The following YEATS2 variants were observed in gnomAD, a reference collection of about 807,000 sequenced individuals.
YEATS2 encodes the protein YEATS domain containing 2, also known as YEATS domain-containing protein 2.
In YEATS2, 77 loss-of-function variants were observed where a neutral mutation model predicts 163.2. That is an observed-to-expected ratio of 0.47 (90% CI 0.39 to 0.57). The LOEUF is 0.57. Among genes scored for constraint, YEATS2 ranks in the 20% least tolerant of loss-of-function variants. YEATS2 has a pLI of 0.00. For synonymous variants in YEATS2, 631 were observed against 645.1 expected, an observed-to-expected ratio of 0.98 and a Z score of 0.33; for missense variants, 1,549 against 1,729.8, an observed-to-expected ratio of 0.90 and a Z score of 1.85.
At chr3:183,733,675 G>A (rs1012793378) in intron 7 of YEATS2, among the ~76,000 whole-genome samples, 42 of 152,226 alleles carry the variant, frequency 2.8e-4, no homozygotes, top group Admixed American at 2.5e-3. Context: ...CTTATTTCTG[G>A]ATCAAAGCAC....
chr3:183,726,361 G>A (rs181959289), intron 6 of YEATS2, among the ~76,000 whole-genome samples: 4 of 152,236 alleles, frequency 2.6e-5, no homozygotes, highest in East Asian at 3.9e-4. Context: ...TTTTTAGTTT[G>A]TAACAAAAGG....
At chr3:183,707,768 C>T (rs1293789448) in intron 1 of YEATS2, among the ~76,000 whole-genome samples, 1 of 149,672 alleles carries the variant, frequency 6.7e-6, no homozygotes, top group East Asian at 2.0e-4. Context: ...ACTGCAACCT[C>T]TGCCTCCCGG....
At chr3:183,772,977 TAATAACAATGTA>T (rs1380158807) in intron 16 of YEATS2, among the ~76,000 whole-genome samples, 8 of 152,208 alleles carry the variant, frequency 5.3e-5, no homozygotes, top group Non-Finnish European at 8.8e-5. Flanking sequence ...TCTTAATACC[TAATAACAATGTA>T]AATAACAATG....
chr3:183,808,032 T>G lies in YEATS2; in HGVS notation c.4014T>G (p.Ile1338Met). 1.3e-6 allele frequency: 2 copies of G among 1,559,952 alleles called. No individual in the cohort carries two copies. The highest frequency in any genetic ancestry group is 1.7e-6 in the Non-Finnish European group (2 of 1,151,206). The change falls in exon 29 of 31, where the codon ATT becomes ATG. Residue 1338 changes from isoleucine to methionine, a missense_variant and splice_region_variant. Ile to Met is a conservative substitution (Grantham distance 10). Transcript: ENST00000305135. The stretch of plus-strand genomic sequence containing the variant: ...ACGGCTTTCTTCTGCTTTTCCAGAT[T>G]GGGATCACCCTGCAGCCCGTGGCAC... ...SEFIGDVTQK[I>M]GITLQPVALH...
In YEATS2 at chr3:183,730,069, T is replaced by G. The variant is rs1251698301; in HGVS notation, c.812+1218T>G. On this transcript the variant is annotated intron_variant, in intron 7 of 30. Transcript: ENST00000305135. ...TTTTGTTTGTTTTTTTTTTTTTTTT[T>G]TTTTTTTTTTTTTTTTTTGGAGACA... Among the ~76,000 whole-genome samples, 154 of 112,524 alleles carry G rather than the reference T, an allele frequency of 1.4e-3. 2 individuals are homozygous for G. Among genetic ancestry groups the G allele is most frequent in the African/African-American group, 4.2e-3 (111 of 26,716 alleles). 73.8% of individuals were successfully genotyped at this position (112,524 alleles called of 152,430 possible).
chr3:183,794,788 A>AATT (rs1724980760), intron 21 of YEATS2, among the ~76,000 whole-genome samples: 1 of 152,126 alleles, frequency 6.6e-6, no homozygotes, highest in African/African-American at 2.4e-5. Flanking sequence ...AAGTGCCGTA[A>AATT]AGGGGGCACT....
intron 19 of YEATS2, among the ~76,000 whole-genome samples, chr3:183,780,058 A>C (rs1723420168): frequency 6.6e-6 from 1 of 151,002 alleles, no homozygotes; most frequent in Non-Finnish European, 1.5e-5. Context: ...AACAGAGAAA[A>C]CTTTAAATTG....
intron 13 of YEATS2, among the ~76,000 whole-genome samples, chr3:183,761,287 G>T (rs571655970): frequency 6.6e-6 from 1 of 152,018 alleles, no homozygotes; most frequent in East Asian, 1.9e-4. Flanking sequence ...GGGTTTCTCC[G>T]TGTTGGTCAG....
At chr3:183,789,524 A>ATTTTTTTTTTTT (rs1560317945) in intron 20 of YEATS2, among the ~76,000 whole-genome samples, 2 of 77,062 alleles carry the variant, frequency 2.6e-5, no homozygotes, top group African/African-American at 5.3e-5. Context: ...CATTCGAGTT[A>ATTTTTTTTTTTT]ATTTTTTTTT....
chr3:183,797,873 T>C (rs1725307421), intron 21 of YEATS2, 50 bp from the exon 22 acceptor site: 5 of 1,610,338 alleles, frequency 3.1e-6, no homozygotes, highest in Admixed American at 1.7e-5. Flanking sequence ...TAAGAGACTT[T>C]CCCGAAGCAC....
intron 6 of YEATS2, among the ~76,000 whole-genome samples, chr3:183,726,095 G>A (rs1048933102): frequency 6.6e-6 from 1 of 151,886 alleles, no homozygotes. Flanking sequence ...GTTTTTTCAA[G>A]CTCTTTGTTG....
rs190474641 is a variant in YEATS2, at chr3:183,807,015, G to A, written c.3934G>A (p.Glu1312Lys). 311 of 1,614,184 alleles carry A rather than the reference G, an allele frequency of 1.9e-4. No homozygotes were observed. In the Admixed American group the frequency reaches 3.3e-3, roughly 17 times the overall value. Residue 1312 changes from glutamate (E) to lysine (K), a missense_variant, in exon 28 of 31, where the codon GAA becomes AAA. Glu to Lys is a moderately conservative substitution (Grantham distance 56). Transcript: ENST00000305135. ...GAAGATAAACATCAAGAAGGAGCAG[G>A]AAGAGAAACAAGAGGAAGTCAAGTT... ...PVKINIKKEQ[E>K]EKQEEVKFYL...
chr3:183,751,264 G>A (rs1720135538), intron 9 of YEATS2, among the ~76,000 whole-genome samples: 1 of 152,156 alleles, frequency 6.6e-6, no homozygotes, highest in African/African-American at 2.4e-5. Flanking sequence ...ATATATGTGA[G>A]GATTTATTCT....
chr3:183,793,164 A>C (rs1442657576), intron 21 of YEATS2: 1 of 1,287,078 alleles, frequency 7.8e-7, no homozygotes, highest in African/African-American at 1.5e-5. Flanking sequence ...GGAAAAACTG[A>C]ATATCACCGA....
Position 183,800,532 on chromosome 3 carries a change from C to G in YEATS2, c.3392C>G (p.Thr1131Arg). The change falls in exon 24 of 31, where the codon ACA becomes AGA. Residue 1131 changes from threonine (T) to arginine (R), a missense_variant. Coordinates refer to ENST00000305135, the MANE Select transcript of YEATS2 (RefSeq NM_018023.5). ...LSQEGQTAVK[T>R]EESSELGNYV... ...CAGGAGGGTCAGACAGCAGTGAAAA[C>G]AGAAGAAAGTTCTGAGCTGGGAAAC... 1 of 1,614,176 alleles carries G rather than the reference C, an allele frequency of 6.2e-7. No homozygotes were observed. Among genetic ancestry groups the G allele is most frequent in the Non-Finnish European group, 8.5e-7 (1 of 1,180,016 alleles).
In YEATS2 at chr3:183,809,109, C is replaced by G. The variant is rs777079409; in HGVS notation, c.4099C>G (p.Leu1367Val). ...EDMILKATEQ[L>V]VNDILRQALA... The stretch of plus-strand genomic sequence containing the variant: ...TCTTCCATTGTAGGCTACAGAACAG[C>G]TGGTGAATGATATCCTGAGACAGGC... Residue 1367 changes from leucine (L) to valine (V), a missense_variant, in exon 30 of 31, where the codon CTG becomes GTG. By Grantham distance (32) the Leu-to-Val change is conservative. Transcript: ENST00000305135. 1 of 1,614,038 alleles carries G rather than the reference C, an allele frequency of 6.2e-7. No individual in the cohort carries two copies. Among genetic ancestry groups the G allele is most frequent in the Non-Finnish European group, 8.5e-7 (1 of 1,180,038 alleles).
intron 29 of YEATS2, chr3:183,808,667 C>A: frequency 5.6e-6 from 1 of 178,778 alleles, no homozygotes. Context: ...ACCAGCCTGG[C>A]CAACATGGTG....
chr3:183,777,292 G>C (rs1392461407), intron 18 of YEATS2, among the ~76,000 whole-genome samples: 1 of 152,220 alleles, frequency 6.6e-6, no homozygotes, highest in Non-Finnish European at 1.5e-5. Flanking sequence ...TGAGGACTAA[G>C]TTGCAAAACA....
intron 19 of YEATS2, among the ~76,000 whole-genome samples, chr3:183,785,744 A>G (rs1459824909): frequency 6.6e-6 from 1 of 152,210 alleles, no homozygotes; most frequent in Non-Finnish European, 1.5e-5. Flanking sequence ...TTAGAAGACC[A>G]TTAACCTTAC....
Sources: allele counts gnomAD v4.1 joint callset (sites outside exome capture counted in the v4.1 genomes callset), GRCh38; gene constraint gnomAD v4.1.1; transcripts MANE v1.5; gene names NCBI Gene and HGNC (gene_info 2026-07-23, HGNC 2026-07-21).